The following DNAH5 variants were observed in gnomAD, a reference collection of about 807,000 sequenced individuals.
DNAH5 encodes dynein axonemal heavy chain 5.
DNAH5 carries 372 observed loss-of-function variants against 518.2 expected under a neutral mutation model. The ratio of observed to expected loss-of-function variants is 0.72; its 90% CI spans 0.66 to 0.78. DNAH5 has a LOEUF of 0.78. Ranked by LOEUF, DNAH5 falls within the 30% of genes least tolerant of loss-of-function variation. The pLI is 0.00. For missense variants in DNAH5, 5,523 were observed against 5,687.0 expected (o/e 0.97, Z 0.93); for synonymous variants, 2,039 against 2,025.9 (o/e 1.01, Z -0.17).
intron 78 of DNAH5, among the ~76,000 whole-genome samples, chr5:13,692,352 G>T (rs901983227): frequency 7.9e-5 from 12 of 152,114 alleles, no homozygotes; most frequent in African/African-American, 2.4e-4. Context: ...GACAGCCTCT[G>T]GTGGCCTCTG....
At chr5:13,956,545 G>T (rs562816553) in intron 1 of DNAH5, among the ~76,000 whole-genome samples, 18 of 152,078 alleles carry the variant, frequency 1.2e-4, no homozygotes, top group Non-Finnish European at 2.6e-4. Context: ...AGTTATTTGA[G>T]GATATGCAGT....
chr5:13,978,871 A>G (rs989666912), intron 1 of DNAH5, among the ~76,000 whole-genome samples: 17 of 152,270 alleles, frequency 1.1e-4, no homozygotes, highest in Admixed American at 3.3e-4. Flanking sequence ...GAATTTAGAC[A>G]TAAATACACA....
chr5:13,849,008 A>G (rs1766443286), intron 31 of DNAH5, among the ~76,000 whole-genome samples: 2 of 152,358 alleles, frequency 1.3e-5, no homozygotes, highest in South Asian at 4.1e-4. Flanking sequence ...CCCTACCTCT[A>G]GCTTCAAGGT....
At chr5:13,994,521 G>C (rs73047524) in intron 1 of DNAH5, among the ~76,000 whole-genome samples, 1 of 152,092 alleles carries the variant, frequency 6.6e-6, no homozygotes, top group Admixed American at 6.5e-5. Flanking sequence ...GACTTATTAC[G>C]CATTTCTGAT....
At chr5:13,996,352 C>CAGA (rs1236881037) in intron 1 of DNAH5, among the ~76,000 whole-genome samples, 1 of 152,128 alleles carries the variant, frequency 6.6e-6, no homozygotes, top group African/African-American at 2.4e-5. Context: ...ATACAGAATA[C>CAGA]ATTCATTCCA....
chr5:13,758,998 C>T lies in DNAH5; in HGVS notation c.10282-15G>A. The T allele has an allele frequency of 6.2e-7, 1 of 1,614,036 alleles. No individual in the cohort carries two copies. ...ACCAAGTTGGCCTGCACAGGACACA[C>T]ACAGAGTGAAGAGATGGGCAGCCAA... is the stretch of plus-strand genomic sequence containing the variant. On this transcript the variant is annotated splice_polypyrimidine_tract_variant and intron_variant, in intron 60 of 78. Transcript: ENST00000265104.
chr5:13,859,378 A>G (rs1768061277), intron 30 of DNAH5, 74 bp downstream of exon 30: 1 of 1,506,354 alleles, frequency 6.6e-7, no homozygotes, highest in East Asian at 2.3e-5. Context: ...ATATTATTGC[A>G]TTATTTAAGG....
chr5:13,785,097 A>G (rs933055103), intron 52 of DNAH5, among the ~76,000 whole-genome samples: 3 of 152,158 alleles, frequency 2.0e-5, no homozygotes, highest in Admixed American at 1.3e-4. Flanking sequence ...GCTCGCCATA[A>G]TGTAGAATCA....
chr5:13,973,776 C>T (rs888270990), intron 1 of DNAH5, among the ~76,000 whole-genome samples: 1 of 148,992 alleles, frequency 6.7e-6, no homozygotes, highest in Non-Finnish European at 1.5e-5. Context: ...AGGTCATAAA[C>T]AGAAGGCTCT....
At chr5:13,698,540 T>C (rs533640416) in intron 78 of DNAH5, among the ~76,000 whole-genome samples, 85 of 152,226 alleles carry the variant, frequency 5.6e-4, no homozygotes, top group Non-Finnish European at 1.0e-3. Context: ...TTTTAATATA[T>C]ATGGTTGATT....
At chr5:13,901,117 G>T in intron 14 of DNAH5, 135 bp downstream of exon 14, 1 of 883,684 alleles carries the variant, frequency 1.1e-6, no homozygotes, top group Non-Finnish European at 1.8e-6. Context: ...ATTACACTCT[G>T]AACGCTTAGA....
upstream of DNAH5, among the ~76,000 whole-genome samples, chr5:13,946,915 G>A (rs1192502174): frequency 6.6e-6 from 1 of 152,138 alleles, no homozygotes; most frequent in Non-Finnish European, 1.5e-5. Context: ...AAAAACAGAT[G>A]TTTACTCAGA....
intron 1 of DNAH5, among the ~76,000 whole-genome samples, chr5:13,972,878 A>T (rs919934901): frequency 1.3e-5 from 2 of 152,148 alleles, no homozygotes; most frequent in Non-Finnish European, 2.9e-5. Context: ...TTAGACTCTG[A>T]ACATTATTAT....
chr5:13,868,936 T>C (rs1769679837), intron 24 of DNAH5, among the ~76,000 whole-genome samples: 1 of 152,222 alleles, frequency 6.6e-6, no homozygotes, highest in African/African-American at 2.4e-5. Context: ...TCCGAATAAC[T>C]TCCATCAGGC....
intron 29 of DNAH5, chr5:13,860,472 T>G (rs1768248640): frequency 6.6e-6 from 1 of 152,252 alleles, no homozygotes; most frequent in South Asian, 2.1e-4. Context: ...GTCTGGGAAG[T>G]GGCCCTGGCA....
intron 5 of DNAH5, 37 bp downstream of exon 5, chr5:13,922,070 C>G (rs768886109): frequency 6.9e-6 from 11 of 1,600,706 alleles, no homozygotes; most frequent in Non-Finnish European, 9.4e-6. Flanking sequence ...TGTTGACCAC[C>G]TGATCATTTT....
At chr5:13,869,684 T>C (rs923762590) in intron 24 of DNAH5, among the ~76,000 whole-genome samples, 9 of 152,202 alleles carry the variant, frequency 5.9e-5, no homozygotes, top group African/African-American at 2.2e-4. Flanking sequence ...GAAAGAAATA[T>C]ACCAACCTCT....
chr5:13,829,572 CGTT>C lies in DNAH5; in HGVS notation c.6379_6381del (p.Asn2127del). 1.9e-6 allele frequency: 3 copies of C among 1,614,114 alleles called. No homozygotes were observed. Among genetic ancestry groups the C allele is most frequent in the Non-Finnish European group, 2.5e-6 (3 of 1,180,022 alleles). On this transcript the variant is annotated inframe_deletion, in exon 38 of 79. Coordinates refer to ENST00000265104, the MANE Select transcript of DNAH5 (RefSeq NM_001369.3). ...GTGAAAAACTTCCTGGCCAAAACAA[CGTT>C]GTCAATGAAGCCACAACTAGCCAAC...
chr5:13,892,810 C>A (rs1392534285), intron 16 of DNAH5, among the ~76,000 whole-genome samples: 1 of 152,038 alleles, frequency 6.6e-6, no homozygotes, highest in African/African-American at 2.4e-5. Flanking sequence ...TGTTTTATTT[C>A]CTGGGGAGGC....
Sources: gnomAD v4.1 joint callset for allele counts (sites outside exome capture counted in the v4.1 genomes callset) on GRCh38, gnomAD v4.1.1 for gene constraint, MANE v1.5 for transcripts, NCBI Gene and HGNC (gene_info 2026-07-23, HGNC 2026-07-21) for gene names.